The following DPEP1 variants were observed in gnomAD, a reference collection of about 807,000 sequenced individuals.
The protein encoded by DPEP1 is dipeptidase 1.
DPEP1 carries 50 observed loss-of-function variants against 42.3 expected under a neutral mutation model. That is an observed-to-expected ratio of 1.18 (90% CI 0.94 to 1.50). The LOEUF is 1.50. DPEP1 is among the 40% of genes most tolerant of loss of function. The probability of loss-of-function intolerance (pLI) is 0.00; values close to 1 mark genes in which losing one functional copy is unlikely to be tolerated. For synonymous variants in DPEP1, 297 were observed against 234.0 expected (o/e 1.27, Z -2.46); for missense variants, 663 against 553.0 (o/e 1.20, Z -1.99).
downstream of DPEP1, among the ~76,000 whole-genome samples, chr16:89,638,786 G>T (rs2059717770): frequency 4.9e-5 from 1 of 20,214 alleles, no homozygotes; most frequent in Non-Finnish European, 9.6e-5. Flanking sequence ...CCCCACCCCT[G>T]CACGCACACC....
chr16:89,634,091 C>CTTTT lies in DPEP1; in HGVS notation c.105-1804_105-1801dup, dbSNP rs3039849. Among the ~76,000 whole-genome samples the CTTTT allele has an allele frequency of 0.022, 2,732 of 123,638 alleles. 509 individuals carry two copies. The East Asian group carries it at 0.48, about 22-fold the overall frequency. The allele number at this position is 123,638 out of a possible 152,430, so 81.1% of individuals were successfully genotyped here. On this transcript the variant is annotated intron_variant, in intron 2 of 10. Coordinates refer to ENST00000690203, the MANE Select transcript of DPEP1 (RefSeq NM_001389466.1). ...TATTTTTCTTTTCTCTTCTCTTCTT[C>CTTTT]TTTTTTTTTTTTTTTTGGAGGGAGT...
At chr16:89,623,651 G>T (rs953971722) in intron 1 of DPEP1, among the ~76,000 whole-genome samples, 3 of 152,022 alleles carry the variant, frequency 2.0e-5, no homozygotes, top group Admixed American at 2.0e-4. Flanking sequence ...GAGACCAGAC[G>T]CACAACCCCC....
intron 1 of DPEP1, among the ~76,000 whole-genome samples, chr16:89,614,068 T>A (rs58348200): frequency 1.6e-5 from 2 of 127,884 alleles, no homozygotes; most frequent in Non-Finnish European, 3.3e-5. Flanking sequence ...GGGACGCGGC[T>A]GCTTCCTGGG....
At chr16:89,638,480 T>G, downstream of DPEP1, 1 of 1,294,234 alleles carries the variant, frequency 7.7e-7, no homozygotes, top group Non-Finnish European at 9.8e-7. Context: ...GTGGGGTGTT[T>G]TGTGAAAATG....
At chr16:89,624,693 C>T (rs1282519671) in intron 1 of DPEP1, among the ~76,000 whole-genome samples, 4 of 152,050 alleles carry the variant, frequency 2.6e-5, no homozygotes, top group African/African-American at 7.2e-5. Flanking sequence ...CGCAACCACG[C>T]CCGGCTAATT....
chr16:89,633,739 C>T (rs938707388), intron 2 of DPEP1, among the ~76,000 whole-genome samples: 4 of 151,976 alleles, frequency 2.6e-5, no homozygotes, highest in African/African-American at 9.7e-5. Context: ...AGGGAGCTGT[C>T]CTCCAAGGAA....
Position 89,636,052 on chromosome 16 carries a change from C to T in DPEP1, c.237+12C>T, listed in dbSNP as rs1459265247. On this transcript the variant is annotated intron_variant, in intron 3 of 10. Transcript: ENST00000690203. ...TTGTGGGAGGCCAGGTACCGCCTGCCCTGCCTTGTGCTTGCCCTGTGTGGG... is the reference window on the plus strand; with the variant it reads ...TTGTGGGAGGCCAGGTACCGCCTGCTCTGCCTTGTGCTTGCCCTGTGTGGG... 6.2e-7 allele frequency: 1 copy of T among 1,601,636 alleles called. No individual in the cohort carries two copies.
At chr16:89,621,264 G>T (rs1224206325) in intron 1 of DPEP1, among the ~76,000 whole-genome samples, 1 of 151,778 alleles carries the variant, frequency 6.6e-6, no homozygotes, top group Non-Finnish European at 1.5e-5. Context: ...GCAGATGTGG[G>T]CTGTGGGGGA....
chr16:89,618,883 C>T (rs1015185295), intron 1 of DPEP1, among the ~76,000 whole-genome samples: 2 of 151,844 alleles, frequency 1.3e-5, no homozygotes, highest in African/African-American at 2.4e-5. Flanking sequence ...CCCACCAGCA[C>T]CCTCTACCTT....
downstream of DPEP1, among the ~76,000 whole-genome samples, chr16:89,639,805 C>T (rs141800165): frequency 3.9e-5 from 6 of 152,064 alleles, no homozygotes; most frequent in Non-Finnish European, 7.3e-5. Context: ...CCTGTCTCGG[C>T]CTCCTGAGTA....
At chr16:89,628,456 C>A (rs1157715613) in intron 1 of DPEP1, among the ~76,000 whole-genome samples, 3 of 151,364 alleles carry the variant, frequency 2.0e-5, no homozygotes, top group East Asian at 3.9e-4. Flanking sequence ...CGGGGTTTCA[C>A]CATGTTGCCC....
At position 89,630,402 on chromosome 16, in the gene DPEP1, G is replaced by C. The variant is rs545795691; in HGVS notation, c.-9G>C. 2 of 1,608,216 alleles carry C rather than the reference G, an allele frequency of 1.2e-6. No individual in the cohort carries two copies. Among genetic ancestry groups the C allele is most frequent in the African/African-American group, 1.3e-5 (1 of 74,546 alleles). On this transcript the variant is annotated 5_prime_UTR_variant, in exon 2 of 11. Coordinates refer to ENST00000690203, the MANE Select transcript of DPEP1 (RefSeq NM_001389466.1). Reference sequence around the variant, plus strand: ...GCAGCAGTGCACACAGGTCCCCGGGGACCCCACCATGTGGAGCGGATGGTG... The same window carrying C: ...GCAGCAGTGCACACAGGTCCCCGGGCACCCCACCATGTGGAGCGGATGGTG...
chr16:89,626,084 G>A (rs999975135), intron 1 of DPEP1, among the ~76,000 whole-genome samples: 8 of 152,254 alleles, frequency 5.3e-5, no homozygotes, highest in African/African-American at 1.2e-4. Flanking sequence ...CCGTCCTCCC[G>A]CCACTGTGAG....
At chr16:89,626,546 C>G (rs1164754956) in intron 1 of DPEP1, 4 of 152,046 alleles carry the variant, frequency 2.6e-5, no homozygotes, top group African/African-American at 9.7e-5. Context: ...GATGGGGTTT[C>G]TCCATGTTGG....
chr16:89,634,264 T>C (rs573200502), intron 2 of DPEP1, among the ~76,000 whole-genome samples: 29 of 152,080 alleles, frequency 1.9e-4, no homozygotes, highest in Non-Finnish European at 3.1e-4. Flanking sequence ...AATTTTTGTA[T>C]TTTTAGTAGA....
chr16:89,635,180 C>T (rs78921864), intron 2 of DPEP1, among the ~76,000 whole-genome samples: 1,705 of 64,190 alleles, frequency 0.027, 7 homozygotes, highest in Non-Finnish European at 0.049. Flanking sequence ...CCTTCCTTCT[C>T]CTTTCCCCTT....
At chr16:89,636,092 T>A (rs1161602024) in intron 3 of DPEP1, 52 bp downstream of exon 3, 2 of 1,570,244 alleles carry the variant, frequency 1.3e-6, no homozygotes, top group Non-Finnish European at 1.7e-6. Context: ...TCCCGTCTCC[T>A]ACCTCAGGCC....
At chr16:89,636,224 C>G in intron 3 of DPEP1, 40 bp from the exon 4 acceptor site, 1 of 1,584,056 alleles carries the variant, frequency 6.3e-7, no homozygotes, top group Non-Finnish European at 8.6e-7. Flanking sequence ...TGGGCTGAGA[C>G]CTGGCTGCAT....
chr16:89,614,523 G>A (rs867478458), intron 1 of DPEP1, among the ~76,000 whole-genome samples: 18 of 152,316 alleles, frequency 1.2e-4, no homozygotes, highest in African/African-American at 3.6e-4. Flanking sequence ...GGCCGGGCGC[G>A]GTGGCTCACG....
Sources: gnomAD v4.1 joint callset for allele counts (sites outside exome capture counted in the v4.1 genomes callset) on GRCh38, gnomAD v4.1.1 for gene constraint, MANE v1.5 for transcripts, NCBI Gene and HGNC (gene_info 2026-07-23, HGNC 2026-07-21) for gene names.